SHANK2: variants seen among roughly 807,000 people sequenced by gnomAD.
The protein encoded by SHANK2 is SH3 and multiple ankyrin repeat domains protein 2.
SHANK2 carries 43 observed loss-of-function variants against 133.7 expected under a neutral mutation model. That is an observed-to-expected ratio of 0.32 (90% confidence interval 0.25 to 0.41). The LOEUF (loss-of-function observed/expected upper bound fraction) is 0.41, where lower values mean the gene tolerates loss of function less well. SHANK2 is among the 10% of genes least tolerant of loss of function. The probability of loss-of-function intolerance (pLI) is 1.00; values close to 1 mark genes in which losing one functional copy is unlikely to be tolerated. For missense variants in SHANK2, 1,994 were observed against 2,235.8 expected, an observed-to-expected ratio of 0.89 and a Z score of 2.18; for synonymous variants, 1,017 against 952.8, an observed-to-expected ratio of 1.07 and a Z score of -1.24.
intron 9 of SHANK2, among the ~76,000 whole-genome samples, chr11:71,062,169 T>G (rs988655052): frequency 1.3e-5 from 2 of 152,090 alleles, no homozygotes; most frequent in African/African-American, 4.8e-5. Context: ...TTGCCCAGGC[T>G]GGTCTCCATC....
chr11:70,544,931 G>A (rs2059670610), intron 17 of SHANK2, among the ~76,000 whole-genome samples: 1 of 152,220 alleles, frequency 6.6e-6, no homozygotes. Flanking sequence ...GGGACCACGT[G>A]GGGCTGCGGC....
intron 14 of SHANK2, among the ~76,000 whole-genome samples, chr11:70,795,943 G>A (rs1178068307): frequency 6.6e-6 from 1 of 152,196 alleles, no homozygotes; most frequent in Non-Finnish European, 1.5e-5. Flanking sequence ...CATCAGCCCA[G>A]GTAGAAAATA....
intron 17 of SHANK2, among the ~76,000 whole-genome samples, chr11:70,540,050 G>A (rs2059599019): frequency 6.6e-6 from 1 of 152,176 alleles, no homozygotes; most frequent in Admixed American, 6.5e-5. Context: ...TTACAAGGAA[G>A]TGGGCCAGTA....
rs542890228 is a variant in SHANK2, at chr11:71,094,804, G to C, written c.593-116C>G. ...ACTGACTCCCCTCCTCCACCTCCAGGGTGTTTACAGCTCCCACCACCTGGG... is the reference window on the plus strand; with the variant it reads ...ACTGACTCCCCTCCTCCACCTCCAGCGTGTTTACAGCTCCCACCACCTGGG... On this transcript the variant is annotated intron_variant, in intron 6 of 25. Transcript: ENST00000601538. 22 of 1,153,028 alleles carry C rather than the reference G, an allele frequency of 1.9e-5. No individual in the cohort carries two copies. The African/African-American group carries it at 2.0e-4, about 11-fold the overall frequency. The allele number at this position is 1,153,028 out of a possible 1,614,324, so 71.4% of individuals were successfully genotyped here. A position where few individuals can be genotyped will look rare whatever the true frequency, so the allele number is the denominator to read the frequency against.
At chr11:70,837,975 C>CAAAAAAAAAAAAAAAAAAAAA (rs55862093) in intron 11 of SHANK2, among the ~76,000 whole-genome samples, 3 of 25,176 alleles carry the variant, frequency 1.2e-4, no homozygotes, top group Non-Finnish European at 2.4e-4. Context: ...CATTCTGTCT[C>CAAAAAAAAAAAAAAAAAAAAA]AAAAAAAAAA....
chr11:70,674,046 G>T (rs894139205), intron 15 of SHANK2, among the ~76,000 whole-genome samples: 7 of 152,196 alleles, frequency 4.6e-5, no homozygotes, highest in African/African-American at 1.7e-4. Context: ...CCGGGGCTGA[G>T]AGAGTTCTTA....
chr11:70,901,672 A>G (rs1488058639), intron 10 of SHANK2, among the ~76,000 whole-genome samples: 1 of 152,234 alleles, frequency 6.6e-6, no homozygotes, highest in Non-Finnish European at 1.5e-5. Context: ...AAAGAAACCC[A>G]GAGCAGGAAG....
chr11:70,543,175 C>A (rs1293553070), intron 17 of SHANK2, among the ~76,000 whole-genome samples: 1 of 152,212 alleles, frequency 6.6e-6, no homozygotes. Flanking sequence ...TAGAGAAAGG[C>A]ACGGAGGAGC....
At chr11:71,152,878 G>A (rs1186384259) in intron 2 of SHANK2, among the ~76,000 whole-genome samples, 3 of 152,254 alleles carry the variant, frequency 2.0e-5, no homozygotes, top group South Asian at 4.2e-4. Flanking sequence ...ATCACTGCCT[G>A]GGAAAACATT....
chr11:71,077,669 C>A (rs993046915), intron 8 of SHANK2, among the ~76,000 whole-genome samples: 1 of 151,854 alleles, frequency 6.6e-6, no homozygotes, highest in Non-Finnish European at 1.5e-5. Flanking sequence ...GGTTGAGGCA[C>A]GGAGCTCACA....
At chr11:70,943,060 T>G (rs1555084668) in intron 10 of SHANK2, 1 of 456,766 alleles carries the variant, frequency 2.2e-6, no homozygotes, top group Admixed American at 2.3e-5. Flanking sequence ...AAATAAAAGC[T>G]TCCTGCAGAG....
At chr11:70,519,159 G>A (rs1408297514) in intron 17 of SHANK2, among the ~76,000 whole-genome samples, 1 of 151,942 alleles carries the variant, frequency 6.6e-6, no homozygotes, top group Non-Finnish European at 1.5e-5. Context: ...GATACACCTG[G>A]GCCTCCCAAA....
intron 4 of SHANK2, among the ~76,000 whole-genome samples, chr11:71,113,740 C>T (rs1440604093): frequency 3.9e-5 from 6 of 152,174 alleles, no homozygotes; most frequent in Non-Finnish European, 7.4e-5. Flanking sequence ...AATGAGGATG[C>T]TGCTTCAAAC....
At chr11:70,483,252 C>T (rs1555152189) in intron 25 of SHANK2, among the ~76,000 whole-genome samples, 2 of 152,134 alleles carry the variant, frequency 1.3e-5, no homozygotes, top group East Asian at 1.9e-4. Flanking sequence ...CATACCTGCT[C>T]CCCAGTTGTC....
intron 15 of SHANK2, among the ~76,000 whole-genome samples, chr11:70,689,785 A>G (rs1945236782): frequency 6.6e-6 from 1 of 152,234 alleles, no homozygotes; most frequent in African/African-American, 2.4e-5. Context: ...AAAATACATG[A>G]AGCGAAATCC....
intron 11 of SHANK2, chr11:70,864,252 G>T (rs1949311637): frequency 6.0e-6 from 1 of 166,396 alleles, no homozygotes; most frequent in Admixed American, 5.8e-5. Context: ...TGAAATTGGA[G>T]GTGGGTAGTG....
Position 71,124,825 on chromosome 11 carries a change from G to C in SHANK2, c.208-5793C>G, listed in dbSNP as rs1952153139. 1.3e-5 allele frequency among the ~76,000 whole-genome samples: 2 copies of C among 152,126 alleles called. 1 individual carries two copies. Among genetic ancestry groups the C allele is most frequent in the South Asian group, 4.1e-4 (2 of 4,820 alleles). ...TGAGCTTCACAGAGAAGGTGTTTTT[G>C]CAAATTGGAGGTTTGCGGCAACTCC... On this transcript the variant is annotated intron_variant, in intron 3 of 25. Coordinates refer to ENST00000601538, the MANE Select transcript of SHANK2 (RefSeq NM_012309.5).
intron 17 of SHANK2, among the ~76,000 whole-genome samples, chr11:70,575,363 C>CA (rs1490191007): frequency 6.6e-6 from 1 of 151,712 alleles, no homozygotes; most frequent in African/African-American, 2.4e-5. Flanking sequence ...AATACACACA[C>CA]AAAAAATCAG....
chr11:70,794,568 A>AT (rs1460494411), intron 14 of SHANK2, among the ~76,000 whole-genome samples: 9 of 152,218 alleles, frequency 5.9e-5, no homozygotes, highest in South Asian at 2.1e-4. Context: ...TATTTTATAT[A>AT]TTTTTTGAGA....
Sources: allele counts gnomAD v4.1 joint callset (sites outside exome capture counted in the v4.1 genomes callset), GRCh38; gene constraint gnomAD v4.1.1; transcripts MANE v1.5; gene names NCBI Gene and HGNC (gene_info 2026-07-23, HGNC 2026-07-21).